The following AGTPBP1 variants were observed in gnomAD, a reference collection of about 807,000 sequenced individuals.
The protein encoded by AGTPBP1 is ATP/GTP binding carboxypeptidase 1.
Under a neutral mutation model 143.9 loss-of-function variants are expected in AGTPBP1, and 70 were observed. The observed-to-expected ratio is 0.49, with a 90% CI of 0.40 to 0.59. AGTPBP1 has a LOEUF of 0.59. Among genes scored for constraint, AGTPBP1 ranks in the 20% least tolerant of loss-of-function variants. The pLI is 0.00. For synonymous variants in AGTPBP1, 463 were observed against 500.2 expected (o/e 0.93, Z 0.99); for missense variants, 1,229 against 1,464.5 (o/e 0.84, Z 2.62).
intron 25 of AGTPBP1, among the ~76,000 whole-genome samples, chr9:85,566,649 C>CA (rs1263571471): frequency 6.6e-6 from 1 of 150,668 alleles, no homozygotes; most frequent in Non-Finnish European, 1.5e-5. Context: ...ACAAAAAAGA[C>CA]ACATATGCAT....
intron 25 of AGTPBP1, among the ~76,000 whole-genome samples, chr9:85,562,647 G>A (rs1479766976): frequency 3.3e-5 from 5 of 152,108 alleles, no homozygotes; most frequent in Admixed American, 2.6e-4. Context: ...GAAACTAAAT[G>A]GAACGACTGG....
chr9:85,658,499 T>C (rs1833667195), intron 9 of AGTPBP1, among the ~76,000 whole-genome samples: 1 of 152,068 alleles, frequency 6.6e-6, no homozygotes, highest in Non-Finnish European at 1.5e-5. Flanking sequence ...CCAATGCTGC[T>C]CTGGTGGGTT....
the AGTPBP1 span, among the ~76,000 whole-genome samples, chr9:85,766,593 A>T: frequency 6.6e-6 from 1 of 152,100 alleles, no homozygotes; most frequent in Non-Finnish European, 1.5e-5. Context: ...TTTTGCGGCT[A>T]TTCTGGACTG....
rs1200177183 is a variant in AGTPBP1 at position 85,655,896 on chromosome 9, C to T, written c.910-576G>A. ...AGGCTGGAGTGAAGTAGAGCTATCT[C>T]GGCTCACTGCAAGCTCCGCCTCCTG... On this transcript the variant is annotated intron_variant, in intron 10 of 25. Transcript: ENST00000357081. 5.9e-5 allele frequency among the ~76,000 whole-genome samples: 9 copies of T among 152,180 alleles called. No individual in the cohort carries two copies. The South Asian group carries it at 8.3e-4, about 14-fold the overall frequency.
intron 19 of AGTPBP1, among the ~76,000 whole-genome samples, chr9:85,591,397 A>G (rs778481370): frequency 6.6e-6 from 1 of 152,096 alleles, no homozygotes; most frequent in Admixed American, 6.6e-5. Context: ...ACTGAATCCT[A>G]GGACACTAGT....
At chr9:85,587,569 C>T (rs1828694398) in intron 21 of AGTPBP1, among the ~76,000 whole-genome samples, 1 of 151,984 alleles carries the variant, frequency 6.6e-6, no homozygotes, top group Admixed American at 6.6e-5. Context: ...ATTTTAGTTC[C>T]ATAACCATAA....
chr9:85,766,033 AAGACATG>A, the AGTPBP1 span, among the ~76,000 whole-genome samples: 1 of 152,074 alleles, frequency 6.6e-6, no homozygotes, highest in Non-Finnish European at 1.5e-5. Context: ...TATAGATTTG[AAGACATG>A]AGAGCCTAAG....
chr9:85,778,463 C>T, the AGTPBP1 span, among the ~76,000 whole-genome samples: 1 of 152,214 alleles, frequency 6.6e-6, no homozygotes, highest in Admixed American at 6.5e-5. Context: ...CCACTGACAC[C>T]TCAAGCACCA....
intron 2 of AGTPBP1, among the ~76,000 whole-genome samples, chr9:85,706,727 T>C (rs937943341): frequency 1.3e-5 from 2 of 149,900 alleles, no homozygotes; most frequent in Admixed American, 6.6e-5. Context: ...AAAAAAAGAA[T>C]TAGCCGGGCA....
chr9:85,584,980 C>T (rs1017442955), intron 23 of AGTPBP1, among the ~76,000 whole-genome samples: 12 of 152,036 alleles, frequency 7.9e-5, no homozygotes, highest in Non-Finnish European at 1.5e-4. Flanking sequence ...ACAAATGGAT[C>T]CTAAAATTCA....
At chr9:85,739,521 T>C (rs1024053203) in intron 1 of AGTPBP1, among the ~76,000 whole-genome samples, 5 of 151,242 alleles carry the variant, frequency 3.3e-5, no homozygotes, top group African/African-American at 1.2e-4. Flanking sequence ...CGAGCTTGGG[T>C]AACATGGTGA....
At chr9:85,684,617 T>C (rs1475250327) in intron 3 of AGTPBP1, among the ~76,000 whole-genome samples, 1 of 152,180 alleles carries the variant, frequency 6.6e-6, no homozygotes, top group Admixed American at 6.5e-5. Context: ...ATTCACATTA[T>C]AACATACTGC....
chr9:85,646,958 C>T (rs1389532933), intron 11 of AGTPBP1, among the ~76,000 whole-genome samples: 1 of 152,032 alleles, frequency 6.6e-6, no homozygotes, highest in East Asian at 1.9e-4. Context: ...ATTACACACA[C>T]ACACACAAAT....
At position 85,592,603 on chromosome 9, in the gene AGTPBP1, C is replaced by G; in HGVS notation, c.2525G>C (p.Cys842Ser). The change falls in exon 19 of 26, where the codon TGC becomes TCC. Residue 842 changes from cysteine to serine, a missense_variant. Coordinates refer to ENST00000357081, the MANE Select transcript of AGTPBP1 (RefSeq NM_001330701.2). The part of the protein sequence containing the change: ...TVNFPHKDDV[C>S]YFAYHYPYTY... Reference sequence around the variant, plus strand: ...ATATGGATAGTGATAAGCAAAGTAGCAAACATCATCTTTATGTGGAAAATT... The same window carrying G: ...ATATGGATAGTGATAAGCAAAGTAGGAAACATCATCTTTATGTGGAAAATT... 1.2e-6 allele frequency: 2 copies of G among 1,611,734 alleles called. No individual in the cohort carries two copies. The highest frequency in any genetic ancestry group is 1.7e-6 in the Non-Finnish European group (2 of 1,179,054).
chr9:85,774,280 A>G, the AGTPBP1 span, among the ~76,000 whole-genome samples: 2 of 152,134 alleles, frequency 1.3e-5, no homozygotes, highest in South Asian at 4.1e-4. Context: ...AACTGCTACA[A>G]TCCTGTCAGC....
intron 1 of AGTPBP1, among the ~76,000 whole-genome samples, chr9:85,739,873 C>T (rs1382722202): frequency 6.6e-6 from 1 of 150,496 alleles, no homozygotes; most frequent in Non-Finnish European, 1.5e-5. Flanking sequence ...ATTAGCTAGG[C>T]GTGGTGACGC....
chr9:85,562,654 C>T (rs921416245), intron 25 of AGTPBP1, among the ~76,000 whole-genome samples: 1 of 152,140 alleles, frequency 6.6e-6, no homozygotes, highest in African/African-American at 2.4e-5. Flanking sequence ...AATGGAACGA[C>T]TGGCAACTTA....
chr9:85,626,825 G>A (rs924183421), intron 14 of AGTPBP1, among the ~76,000 whole-genome samples: 7 of 152,230 alleles, frequency 4.6e-5, no homozygotes, highest in African/African-American at 1.4e-4. Flanking sequence ...TTGTGGACAC[G>A]AATATGAATT....
chr9:85,611,321 A>G (rs1047936550), intron 17 of AGTPBP1, among the ~76,000 whole-genome samples: 1 of 152,004 alleles, frequency 6.6e-6, no homozygotes, highest in Non-Finnish European at 1.5e-5. Context: ...CTCCTCTATT[A>G]AAAGACAAAT....
Sources: gnomAD v4.1 joint callset for allele counts (sites outside exome capture counted in the v4.1 genomes callset) on GRCh38, gnomAD v4.1.1 for gene constraint, MANE v1.5 for transcripts, NCBI Gene and HGNC (gene_info 2026-07-23, HGNC 2026-07-21) for gene names.